Variants in CREB3L2 observed in about 807,000 individuals in gnomAD.
CREB3L2 encodes the protein cAMP responsive element binding protein 3 like 2.
Under a neutral mutation model 57.2 loss-of-function variants are expected in CREB3L2, and 23 were observed. The ratio of observed to expected loss-of-function variants is 0.40; its 90% CI spans 0.29 to 0.57. The LOEUF is 0.57. Ranked by LOEUF, CREB3L2 falls within the 20% of genes least tolerant of loss-of-function variation. CREB3L2 has a pLI of 0.42. For missense variants in CREB3L2, 628 were observed against 634.7 expected (o/e 0.99, Z 0.11); for synonymous variants, 268 against 265.1 (o/e 1.01, Z -0.11).
At chr7:137,955,675 A>C (rs758273135) in intron 1 of CREB3L2, among the ~76,000 whole-genome samples, 1 of 152,140 alleles carries the variant, frequency 6.6e-6, no homozygotes, top group African/African-American at 2.4e-5. Context: ...TACCAATAAA[A>C]CTAAAACCCA....
chr7:137,943,364 GGCTGA>G (rs1227713113), intron 1 of CREB3L2, among the ~76,000 whole-genome samples: 10 of 151,196 alleles, frequency 6.6e-5, no homozygotes, highest in African/African-American at 2.2e-4. Flanking sequence ...CCTTGAGGAT[GGCTGA>G]GCTAACAGCT....
intron 1 of CREB3L2, among the ~76,000 whole-genome samples, chr7:137,940,198 A>G (rs539742529): frequency 1.3e-5 from 2 of 152,150 alleles, no homozygotes; most frequent in East Asian, 1.9e-4. Flanking sequence ...CCACTCTCTT[A>G]AACAGAAGGC....
At chr7:137,885,879 C>A (rs1353059838) in intron 8 of CREB3L2, among the ~76,000 whole-genome samples, 1 of 152,192 alleles carries the variant, frequency 6.6e-6, no homozygotes, top group Non-Finnish European at 1.5e-5. Context: ...AATTCCTATG[C>A]TAAAACCCAG....
chr7:137,964,477 A>G (rs770694854), intron 1 of CREB3L2, among the ~76,000 whole-genome samples: 5 of 152,206 alleles, frequency 3.3e-5, no homozygotes, highest in Non-Finnish European at 7.3e-5. Flanking sequence ...AGCACTCAGC[A>G]TCTAGACTAA....
chr7:137,929,596 C>T (rs547768271), intron 1 of CREB3L2, among the ~76,000 whole-genome samples: 2 of 151,822 alleles, frequency 1.3e-5, no homozygotes, highest in Admixed American at 6.6e-5. Flanking sequence ...GGCACGGTGG[C>T]TCATGCTTGT....
At chr7:137,903,455 A>G (rs1799809866) in intron 7 of CREB3L2, among the ~76,000 whole-genome samples, 1 of 152,148 alleles carries the variant, frequency 6.6e-6, no homozygotes, top group Non-Finnish European at 1.5e-5. Context: ...AGACTTTTCA[A>G]AAGAACAAAG....
intron 1 of CREB3L2, among the ~76,000 whole-genome samples, chr7:137,976,171 T>G (rs73458448): frequency 0.17 from 25,965 of 152,262 alleles, 4,193 homozygotes; most frequent in African/African-American, 0.43. Context: ...GCCAGGAGTC[T>G]GCTCTTACCT....
chr7:137,952,808 T>G (rs1283232627), intron 1 of CREB3L2, among the ~76,000 whole-genome samples: 1 of 152,106 alleles, frequency 6.6e-6, no homozygotes, highest in Non-Finnish European at 1.5e-5. Flanking sequence ...AGAATAATTG[T>G]TTTTGTTTTT....
At chr7:137,947,839 G>T (rs1161475450) in intron 1 of CREB3L2, among the ~76,000 whole-genome samples, 1 of 152,180 alleles carries the variant, frequency 6.6e-6, no homozygotes, top group Non-Finnish European at 1.5e-5. Context: ...GGCTTGGCTG[G>T]TGTCACGTCT....
chr7:137,943,677 T>C (rs1312282548), intron 1 of CREB3L2, among the ~76,000 whole-genome samples: 4 of 152,146 alleles, frequency 2.6e-5, no homozygotes, highest in Non-Finnish European at 5.9e-5. Context: ...TTCTGCCCTA[T>C]TCCTCATAAG....
rs116710229 is a variant in CREB3L2 at position 137,951,191 on chromosome 7, C to T, written c.103-22825G>A. 6.6e-3 allele frequency among the ~76,000 whole-genome samples: 997 copies of T among 152,174 alleles called. 16 individuals are homozygous for T. The highest frequency in any genetic ancestry group is 0.023 in the African/African-American group (938 of 41,502). ...ATATCTTTGTGCTTTTTGTTGGTGA[C>T]GTTGCTGTCTAAAACACCTCCCAAG... is the stretch of plus-strand genomic sequence containing the variant. On this transcript the variant is annotated intron_variant, in intron 1 of 11. Coordinates refer to ENST00000330387, the MANE Select transcript of CREB3L2 (RefSeq NM_194071.4).
rs1185529226 is a variant in CREB3L2, at chr7:137,905,830, G to C, written c.787C>G (p.Pro263Ala). 1 of 1,612,550 alleles carries C rather than the reference G, an allele frequency of 6.2e-7. No homozygotes were observed. Among genetic ancestry groups the C allele is most frequent in the East Asian group, 2.2e-5 (1 of 44,884 alleles). ...TAPHKLQGSG[P>A]LVLTEEEKRT... ...TTCTCCTCCTCTGTCAGGACCAGAG[G>C]GCCTGATCCCTGCAGTTTCTGTGCA... The change falls in exon 6 of 12, where the codon CCT (proline) becomes GCT (alanine). Residue 263 changes from proline (P) to alanine (A), a missense_variant. Coordinates refer to ENST00000330387, the MANE Select transcript of CREB3L2 (RefSeq NM_194071.4).
chr7:137,961,944 C>A (rs77202727), intron 1 of CREB3L2, among the ~76,000 whole-genome samples: 1 of 152,090 alleles, frequency 6.6e-6, no homozygotes, highest in Non-Finnish European at 1.5e-5. Context: ...CTAGGAAGTT[C>A]TTCTAGGAAC....
chr7:137,887,601 C>T (rs936706364), intron 8 of CREB3L2, among the ~76,000 whole-genome samples: 2 of 151,902 alleles, frequency 1.3e-5, no homozygotes, highest in Non-Finnish European at 2.9e-5. Context: ...CCCAGTTACT[C>T]GGGAGGCTGA....
chr7:137,908,504 T>C (rs1467183041), intron 4 of CREB3L2, 68 bp from the exon 5 acceptor site: 1 of 1,178,390 alleles, frequency 8.5e-7, no homozygotes, highest in Non-Finnish European at 1.1e-6. Flanking sequence ...ATTTGTGGCA[T>C]AGCAAACTAA....
intron 1 of CREB3L2, among the ~76,000 whole-genome samples, chr7:137,995,118 GAA>G (rs751425813): frequency 5.3e-5 from 8 of 152,052 alleles, no homozygotes; most frequent in Non-Finnish European, 1.0e-4. Context: ...GGGCTAGTAA[GAA>G]AAGTTTCTTC....
In CREB3L2 at chr7:137,905,709, T is replaced by C; in HGVS notation, c.908A>G (p.Lys303Arg). 6.2e-7 allele frequency: 1 copy of C among 1,614,180 alleles called. No individual in the cohort carries two copies. The highest frequency in any genetic ancestry group is 8.5e-7 in the Non-Finnish European group (1 of 1,180,010). The change falls in exon 6 of 12, where the codon AAG becomes AGG. Residue 303 changes from lysine to arginine, a missense_variant. Lys to Arg is a conservative substitution (Grantham distance 26, BLOSUM62 2). This residue lies in a region of CREB3L2 where 17 missense variants were observed against 36.6 expected (regional missense o/e 0.46). Transcript: ENST00000330387. ...TAGATTTGAAGAGCTCACCTTATTC[T>C]TGATCTTCCTCCGAATTTTCTTCAG... is the stretch of plus-strand genomic sequence containing the variant. ...KALKKIRRKIKNKISAQESRR... is the reference protein window; with the variant it reads ...KALKKIRRKIRNKISAQESRR...
At chr7:137,906,965 C>T (rs138266551) in intron 5 of CREB3L2, among the ~76,000 whole-genome samples, 3,384 of 152,140 alleles carry the variant, frequency 0.022, 146 homozygotes, top group African/African-American at 0.076. Flanking sequence ...TTATCAGCAG[C>T]ATGAAAATGG....
At chr7:137,971,943 A>T (rs569673203) in intron 1 of CREB3L2, among the ~76,000 whole-genome samples, 3 of 152,056 alleles carry the variant, frequency 2.0e-5, no homozygotes, top group South Asian at 2.1e-4. Flanking sequence ...AAAAAAAAAA[A>T]AATAATGGCT....
Sources: allele counts gnomAD v4.1 joint callset (sites outside exome capture counted in the v4.1 genomes callset), GRCh38; gene constraint gnomAD v4.1.1; regional missense constraint gnomAD v4.1.1; transcripts MANE v1.5; gene names NCBI Gene and HGNC (gene_info 2026-07-23, HGNC 2026-07-21).